NGEF: variants seen among roughly 807,000 people sequenced by gnomAD.
The protein encoded by NGEF is neuronal guanine nucleotide exchange factor, also known as ephexin-1.
Under a neutral mutation model 80.9 loss-of-function variants are expected in NGEF, and 31 were observed. That is an observed-to-expected ratio of 0.38 (90% CI 0.29 to 0.52). The LOEUF (loss-of-function observed/expected upper bound fraction) is 0.52, where lower values mean the gene tolerates loss of function less well. NGEF is among the 20% of genes least tolerant of loss of function. NGEF has a pLI of 0.84. For synonymous variants in NGEF, 371 were observed against 370.2 expected, an observed-to-expected ratio of 1.00 and a Z score of -0.03; for missense variants, 709 against 926.2, an observed-to-expected ratio of 0.77 and a Z score of 3.04.
rs187211910 is a variant in NGEF, at chr2:232,991,864, C to T, written c.-74-16900G>A. On this transcript the variant is annotated intron_variant, in intron 1 of 14. Transcript: ENST00000264051. ...CAACAGTAATCAAGACAGTGTGGTA[C>T]TGGCACAGGATAGGCATTTAGGTCA... Among the ~76,000 whole-genome samples, 245 of 151,914 alleles carry T rather than the reference C, an allele frequency of 1.6e-3. 1 individual carries two copies. Among genetic ancestry groups the T allele is most frequent in the Middle Eastern group, 6.9e-3 (2 of 288 alleles).
intron 1 of NGEF, among the ~76,000 whole-genome samples, chr2:233,003,936 C>T (rs985719737): frequency 6.6e-6 from 1 of 152,188 alleles, no homozygotes; most frequent in African/African-American, 2.4e-5. Flanking sequence ...CCCTGAATTG[C>T]CTTTTTAACC....
intron 8 of NGEF, chr2:232,890,876 A>C: frequency 2.1e-6 from 1 of 470,468 alleles, no homozygotes; most frequent in South Asian, 1.5e-5. Flanking sequence ...CCATCTCCAC[A>C]CCCACTCCCG....
At chr2:232,950,111 C>T (rs1000887255) in intron 3 of NGEF, among the ~76,000 whole-genome samples, 1 of 152,196 alleles carries the variant, frequency 6.6e-6, no homozygotes, top group Non-Finnish European at 1.5e-5. Flanking sequence ...TGCACCCAGC[C>T]AGAAATATTT....
rs746751631 is a variant in NGEF at position 232,970,299 on chromosome 2, C to T, written c.298G>A (p.Glu100Lys). The change falls in exon 3 of 15, where the codon GAG becomes AAG. Residue 100 changes from glutamate to lysine, a missense_variant. Around this residue, in one of 2 missense-constraint regions of NGEF, gnomAD observed 283 missense variants for 303.4 expected, o/e 0.93. Transcript: ENST00000264051. The part of the protein sequence containing the change: ...DSQDNGKSVN[E>K]PLTLNIPWSR... ...CAGGGGATATTCAAGGTCAGGGGCTCATTTACAGATTTTCCATTGTCCTGT... is the reference window on the plus strand; with the variant it reads ...CAGGGGATATTCAAGGTCAGGGGCTTATTTACAGATTTTCCATTGTCCTGT... 9 of 1,603,226 alleles carry T rather than the reference C, an allele frequency of 5.6e-6. No individual in the cohort carries two copies. In the East Asian group the frequency reaches 1.1e-4, roughly 20 times the overall value.
intron 2 of NGEF, 152 bp from the exon 3 acceptor site, chr2:232,970,480 G>T (rs1351094008): frequency 3.0e-5 from 17 of 560,612 alleles, no homozygotes; most frequent in Non-Finnish European, 6.3e-6. Context: ...CCCTGAAGGG[G>T]AGTTTGTCAC....
chr2:232,910,077 G>A (rs1468448118), intron 5 of NGEF, among the ~76,000 whole-genome samples: 2 of 152,060 alleles, frequency 1.3e-5, no homozygotes, highest in African/African-American at 4.8e-5. Flanking sequence ...GGTCTCCAGG[G>A]GACATTCAGC....
intron 5 of NGEF, chr2:232,901,497 C>T (rs912161462): frequency 4.0e-5 from 38 of 942,382 alleles, no homozygotes; most frequent in Non-Finnish European, 4.7e-5. Context: ...CTGTGACCTT[C>T]GATGCGTTGT....
rs554818319 is a variant in NGEF at position 232,974,449 on chromosome 2, A to AGT, written c.268+172_268+173dup. On this transcript the variant is annotated intron_variant, in intron 2 of 14. Transcript: ENST00000264051. ...TTCTCCTAAGTACACACGTCATCAT[A>AGT]GTGGAGGAATTTGGGTTCTTTAGAT... Among the ~76,000 whole-genome samples, 513 of 152,340 alleles carry AGT rather than the reference A, an allele frequency of 3.4e-3. 5 individuals carry two copies. Among genetic ancestry groups the AGT allele is most frequent in the African/African-American group, 0.011 (472 of 41,580 alleles).
At chr2:232,930,466 C>A (rs749657581) in intron 3 of NGEF, among the ~76,000 whole-genome samples, 4 of 152,118 alleles carry the variant, frequency 2.6e-5, no homozygotes, top group Non-Finnish European at 5.9e-5. Flanking sequence ...ACTACAGGCA[C>A]CCGCCACCAC....
At chr2:233,000,759 C>CAAA (rs566401446) in intron 1 of NGEF, among the ~76,000 whole-genome samples, 2 of 115,198 alleles carry the variant, frequency 1.7e-5, no homozygotes, top group African/African-American at 6.1e-5. Context: ...GACTCTGTCT[C>CAAA]AAAAAAAAAA....
intron 5 of NGEF, among the ~76,000 whole-genome samples, chr2:232,917,515 G>A (rs1692832063): frequency 6.6e-6 from 1 of 151,682 alleles, no homozygotes; most frequent in Non-Finnish European, 1.5e-5. Flanking sequence ...TGTCGCCTGG[G>A]CTGGAGTGCA....
intron 14 of NGEF, among the ~76,000 whole-genome samples, chr2:232,880,778 G>GGGTCAGGTCAGGGTCAGGTCTA (rs1691474422): frequency 6.6e-6 from 1 of 151,044 alleles, no homozygotes; most frequent in Non-Finnish European, 1.5e-5. Flanking sequence ...GTACAGGTCT[G>GGGTCAGGTCAGGGTCAGGTCTA]GGTCAGGTCA....
chr2:232,927,247 G>A, intron 3 of NGEF, 61 bp from the exon 4 acceptor site: 1 of 1,487,846 alleles, frequency 6.7e-7, no homozygotes. Context: ...ACCTCGGCTG[G>A]CTAGCGAGGG....
intron 9 of NGEF, among the ~76,000 whole-genome samples, chr2:232,887,188 C>T (rs985385305): frequency 3.9e-5 from 6 of 152,322 alleles, no homozygotes; most frequent in Non-Finnish European, 7.3e-5. Context: ...ACCATGACGG[C>T]GTCACTGGCT....
chr2:232,908,659 C>T (rs938235074), intron 5 of NGEF, among the ~76,000 whole-genome samples: 5 of 152,080 alleles, frequency 3.3e-5, no homozygotes, highest in African/African-American at 1.2e-4. Context: ...CCTACCTCAG[C>T]CTCCCAAAGT....
intron 3 of NGEF, among the ~76,000 whole-genome samples, chr2:232,944,355 T>C (rs979447502): frequency 1.3e-5 from 2 of 152,188 alleles, no homozygotes; most frequent in Non-Finnish European, 2.9e-5. Flanking sequence ...AGAAAAGATA[T>C]GCACAAGGTT....
At chr2:232,902,361 A>C (rs1407409274) in intron 5 of NGEF, among the ~76,000 whole-genome samples, 1 of 152,206 alleles carries the variant, frequency 6.6e-6, no homozygotes, top group African/African-American at 2.4e-5. Context: ...GCTGCAGCGC[A>C]GTCTTTAGTG....
intron 3 of NGEF, among the ~76,000 whole-genome samples, chr2:232,930,318 CT>C (rs1693192235): frequency 7.6e-6 from 1 of 132,014 alleles, no homozygotes; most frequent in Non-Finnish European, 1.6e-5. Context: ...TGGGCTCTCT[CT>C]CTCTCTCTTT....
chr2:232,892,967 T>C lies in NGEF; in HGVS notation c.1073A>G (p.Asp358Gly), dbSNP rs748442344. The change falls in exon 7 of 15, where the codon GAC becomes GGC. Residue 358 changes from aspartate to glycine, a missense_variant. By Grantham distance (94) the Asp-to-Gly change is moderately conservative (BLOSUM62 -1). Transcript: ENST00000264051. The surrounding 1 kb of genome is among the most constrained non-coding windows in gnomAD (Gnocchi z 4.0). ...GTAGGTGATGTAGACAGAGAAGTGG[T>C]CGGCCGCATAACGGTACACAATGTC... ...VCDIVYRYAA[D>G]HFSVYITYVS... 9.9e-6 allele frequency: 16 copies of C among 1,613,544 alleles called. No homozygotes were observed. Among genetic ancestry groups the C allele is most frequent in the Non-Finnish European group, 1.4e-5 (16 of 1,179,930 alleles).
Sources: gnomAD v4.1 joint callset for allele counts (sites outside exome capture counted in the v4.1 genomes callset) on GRCh38, gnomAD v4.1.1 for gene constraint, gnomAD v4.1.1 regional missense constraint, Gnocchi (gnomAD v3.1) non-coding constraint, MANE v1.5 for transcripts, NCBI Gene and HGNC (gene_info 2026-07-23, HGNC 2026-07-21) for gene names.